The following ELOVL5 variants were observed in gnomAD, a reference collection of about 807,000 sequenced individuals.
The protein encoded by ELOVL5 is ELOVL fatty acid elongase 5.
In ELOVL5, 8 loss-of-function variants were observed where a neutral mutation model predicts 38.6. The ratio of observed to expected loss-of-function variants is 0.21; its 90% CI spans 0.12 to 0.37. The LOEUF is 0.37. Among genes scored for constraint, ELOVL5 ranks in the 10% least tolerant of loss-of-function variants. The pLI is 1.00. For missense variants in ELOVL5, 280 were observed against 367.8 expected (o/e 0.76, Z 1.95); for synonymous variants, 127 against 133.7 (o/e 0.95, Z 0.34).
intron 3 of ELOVL5, among the ~76,000 whole-genome samples, chr6:53,276,574 T>A (rs985171112): frequency 6.6e-6 from 1 of 152,042 alleles, no homozygotes; most frequent in Non-Finnish European, 1.5e-5. Flanking sequence ...ACCAAGCCAA[T>A]CACAGGCTCC....
chr6:53,346,085 G>A lies in ELOVL5; in HGVS notation c.-9+2732C>T, dbSNP rs538910875. Among the ~76,000 whole-genome samples, 19 of 152,084 alleles carry A rather than the reference G, an allele frequency of 1.2e-4. No homozygotes were observed. In the South Asian group the frequency reaches 2.9e-3, roughly 23 times the overall value. On this transcript the variant is annotated intron_variant, in intron 1 of 7. Transcript: ENST00000304434. ...TTGCCCCCCACCACCCGATAGGCCCGGGTGTGTGATGTTTCCCTCCCTGTG... is the reference window on the plus strand; with the variant it reads ...TTGCCCCCCACCACCCGATAGGCCCAGGTGTGTGATGTTTCCCTCCCTGTG...
At chr6:53,346,817 AG>A (rs1234588894) in intron 1 of ELOVL5, among the ~76,000 whole-genome samples, 1 of 152,248 alleles carries the variant, frequency 6.6e-6, no homozygotes, top group Non-Finnish European at 1.5e-5. Context: ...ACCATTATGC[AG>A]GGAGCAAAAG....
At position 53,279,473 on chromosome 6, in the gene ELOVL5, G is replaced by A. The variant is rs139757543; in HGVS notation, c.247-3217C>T. 4.2e-3 allele frequency among the ~76,000 whole-genome samples: 646 copies of A among 152,286 alleles called. 3 individuals carry two copies. Among genetic ancestry groups the A allele is most frequent in the Middle Eastern group, 0.014 (4 of 294 alleles). ...CCCTTTGTTAATGGGCCTGTTGTGTGCTCTTCTGTAAGATTTCGAAGGGTG... is the reference window on the plus strand; with the variant it reads ...CCCTTTGTTAATGGGCCTGTTGTGTACTCTTCTGTAAGATTTCGAAGGGTG... On this transcript the variant is annotated intron_variant, in intron 3 of 7. Coordinates refer to ENST00000304434, the MANE Select transcript of ELOVL5 (RefSeq NM_021814.5).
At chr6:53,325,595 G>A (rs1318220873) in intron 1 of ELOVL5, among the ~76,000 whole-genome samples, 2 of 152,216 alleles carry the variant, frequency 1.3e-5, no homozygotes, top group Non-Finnish European at 2.9e-5. Context: ...AGGGCTGAGG[G>A]CTTTGCTCAG....
intron 1 of ELOVL5, among the ~76,000 whole-genome samples, chr6:53,299,999 T>C (rs1767182978): frequency 2.0e-5 from 3 of 152,180 alleles, no homozygotes; most frequent in Admixed American, 1.3e-4. Context: ...TTATTGTTTC[T>C]GAAATGACTA....
At chr6:53,297,658 T>A (rs1347880291) in intron 1 of ELOVL5, among the ~76,000 whole-genome samples, 4 of 152,270 alleles carry the variant, frequency 2.6e-5, no homozygotes, top group Middle Eastern at 3.4e-3. Flanking sequence ...GCCTAATTTA[T>A]AAAGTACACT....
intron 1 of ELOVL5, among the ~76,000 whole-genome samples, chr6:53,327,472 T>C (rs192783594): frequency 6.6e-6 from 1 of 151,480 alleles, no homozygotes; most frequent in East Asian, 1.9e-4. Flanking sequence ...ATAGGAAATA[T>C]TCAGAATAGG....
At chr6:53,341,491 A>G (rs1481879894) in intron 1 of ELOVL5, among the ~76,000 whole-genome samples, 2 of 152,222 alleles carry the variant, frequency 1.3e-5, no homozygotes, top group African/African-American at 4.8e-5. Flanking sequence ...AGCTGTGGAT[A>G]TTTGGACAAG....
At chr6:53,323,967 A>G (rs1768403726) in intron 1 of ELOVL5, among the ~76,000 whole-genome samples, 1 of 152,128 alleles carries the variant, frequency 6.6e-6, no homozygotes, top group African/African-American at 2.4e-5. Context: ...GAAATCAGTT[A>G]TGGGTCGGGT....
At chr6:53,327,625 CTG>C (rs1768607008) in intron 1 of ELOVL5, among the ~76,000 whole-genome samples, 3 of 152,288 alleles carry the variant, frequency 2.0e-5, no homozygotes, top group East Asian at 1.9e-4. Flanking sequence ...GCAAACAACA[CTG>C]TGGATGTACT....
intron 2 of ELOVL5, among the ~76,000 whole-genome samples, chr6:53,294,855 T>G (rs1483589466): frequency 6.6e-6 from 1 of 152,160 alleles, no homozygotes; most frequent in African/African-American, 2.4e-5. Context: ...GATAAAGTAT[T>G]AGGAGTAGAA....
At chr6:53,298,114 G>A (rs1416565683) in intron 1 of ELOVL5, among the ~76,000 whole-genome samples, 1 of 152,166 alleles carries the variant, frequency 6.6e-6, no homozygotes, top group Non-Finnish European at 1.5e-5. Context: ...CAACCATCAT[G>A]ATTTTGTGAC....
At chr6:53,275,471 G>C (rs1308811713) in intron 4 of ELOVL5, among the ~76,000 whole-genome samples, 1 of 152,156 alleles carries the variant, frequency 6.6e-6, no homozygotes, top group Non-Finnish European at 1.5e-5. Flanking sequence ...GGGACAGCTG[G>C]AGGGGTTTGA....
chr6:53,339,121 T>TA (rs1348457578), intron 1 of ELOVL5, among the ~76,000 whole-genome samples: 1 of 152,140 alleles, frequency 6.6e-6, no homozygotes, highest in Admixed American at 6.6e-5. Flanking sequence ...GTTAAATGTG[T>TA]AAAAAATGGG....
Position 53,269,156 on chromosome 6 carries a change from C to T in ELOVL5, c.871G>A (p.Val291Met), listed in dbSNP as rs146646780. The T allele has an allele frequency of 3.4e-4, 542 of 1,613,918 alleles. 1 individual carries two copies. The highest frequency in any genetic ancestry group is 3.1e-3 in the Middle Eastern group (19 of 6,042). Residue 291 changes from valine (V) to methionine (M), a missense_variant, in exon 8 of 8, where the codon GTG becomes ATG. Physicochemically the swap from Val to Met is conservative, Grantham distance 21. Around this residue, in one of 3 missense-constraint regions of ELOVL5, gnomAD observed 125 missense variants for 158.9 expected, o/e 0.79. Coordinates refer to ENST00000304434, the MANE Select transcript of ELOVL5 (RefSeq NM_021814.5). ...TNSFSPLENN[V>M]KPRKLRKD ...TCCTTCCGCAGCTTCCTTGGCTTCA[C>T]ATTGTTTTCCAGGGGTGAAAAGCTG... is the stretch of plus-strand genomic sequence containing the variant.
chr6:53,318,270 C>A lies in ELOVL5; in HGVS notation c.-8-22563G>T, dbSNP rs1439315164. ...AAACAAAAAGCTACCAAGAGTATAG[C>A]TGAATCCACGTTAACCCTTCTACCA... On this transcript the variant is annotated intron_variant, in intron 1 of 7. Coordinates refer to ENST00000304434, the MANE Select transcript of ELOVL5 (RefSeq NM_021814.5). Among the ~76,000 whole-genome samples the A allele has an allele frequency of 2.0e-5, 3 of 152,160 alleles. No individual in the cohort carries two copies. The East Asian group carries it at 5.8e-4, about 29-fold the overall frequency.
chr6:53,335,227 C>A (rs568480748), intron 1 of ELOVL5, among the ~76,000 whole-genome samples: 42 of 152,200 alleles, frequency 2.8e-4, no homozygotes, highest in Admixed American at 2.0e-3. Flanking sequence ...CTCCTCACCC[C>A]CTGAAAGCAC....
At chr6:53,269,303 G>A (rs745851201) in intron 7 of ELOVL5, 33 bp from the exon 8 acceptor site, 2 of 1,399,822 alleles carry the variant, frequency 1.4e-6, no homozygotes, top group Admixed American at 4.7e-5. Context: ...AGAACCAAAT[G>A]ACCACAGTTT....
At chr6:53,331,385 T>C (rs578078504) in intron 1 of ELOVL5, among the ~76,000 whole-genome samples, 2 of 152,326 alleles carry the variant, frequency 1.3e-5, no homozygotes, top group South Asian at 4.1e-4. Flanking sequence ...CAAAAACCAG[T>C]AACATAGTTG....
Sources: gnomAD v4.1 joint callset for allele counts (sites outside exome capture counted in the v4.1 genomes callset) on GRCh38, gnomAD v4.1.1 for gene constraint, gnomAD v4.1.1 regional missense constraint, MANE v1.5 for transcripts, NCBI Gene and HGNC (gene_info 2026-07-23, HGNC 2026-07-21) for gene names.